Variants in ALDH6A1 observed in about 807,000 individuals in gnomAD.
The protein encoded by ALDH6A1 is aldehyde dehydrogenase 6 family member A1.
In ALDH6A1, 43 loss-of-function variants were observed where a neutral mutation model predicts 62.6. The observed-to-expected ratio is 0.69, with a 90% CI of 0.54 to 0.89. ALDH6A1 has a LOEUF of 0.89. ALDH6A1 is among the 40% of genes least tolerant of loss of function. The probability of loss-of-function intolerance (pLI) is 0.00; values close to 1 mark genes in which losing one functional copy is unlikely to be tolerated. For synonymous variants in ALDH6A1, 194 were observed against 234.2 expected (o/e 0.83, Z 1.57); for missense variants, 551 against 661.3 (o/e 0.83, Z 1.83).
Position 74,060,611 on chromosome 14 carries a change from A to C in ALDH6A1, c.*31T>G. 1.4e-6 allele frequency: 2 copies of C among 1,435,030 alleles called. No homozygotes were observed. Among genetic ancestry groups the C allele is most frequent in the South Asian group, 2.3e-5 (2 of 87,596 alleles). The allele number at this position is 1,435,030 out of a possible 1,614,324, so 88.9% of individuals were successfully genotyped here. ...GGTCAAAAATAAAGGGAGATTACTC[A>C]GGATGGAGTCAGTCTTAAACAAACT... On this transcript the variant is annotated 3_prime_UTR_variant, in exon 12 of 12. Transcript: ENST00000553458.
At position 74,060,597 on chromosome 14, in the gene ALDH6A1, AAGGG is replaced by A; in HGVS notation, c.*41_*44del. The stretch of plus-strand genomic sequence containing the variant: ...TGACAAATGAAGCTGGTCAAAAATA[AAGGG>A]AGATTACTCAGGATGGAGTCAGTCT... On this transcript the variant is annotated 3_prime_UTR_variant, in exon 12 of 12. Coordinates refer to ENST00000553458, the MANE Select transcript of ALDH6A1 (RefSeq NM_005589.4). 1 of 1,335,516 alleles carries A rather than the reference AAGGG, an allele frequency of 7.5e-7. No homozygotes were observed. The highest frequency in any genetic ancestry group is 1.2e-5 in the South Asian group (1 of 85,592). The allele number at this position is 1,335,516 out of a possible 1,614,324, so 82.7% of individuals were successfully genotyped here.
chr14:74,080,974 C>T (rs2060663027), intron 1 of ALDH6A1: 1 of 152,280 alleles, frequency 6.6e-6, no homozygotes, highest in Non-Finnish European at 1.5e-5. Context: ...TGCAATTTAA[C>T]GTGTGTCTTG....
intron 6 of ALDH6A1, 22 bp from the exon 7 acceptor site, chr14:74,069,003 T>A: frequency 1.2e-6 from 2 of 1,608,388 alleles, no homozygotes; most frequent in Non-Finnish European, 1.7e-6. Flanking sequence ...AAATAAATGA[T>A]CACTCACAAA....
Position 74,071,967 on chromosome 14 carries a change from A to G in ALDH6A1, c.356T>C (p.Ile119Thr). 1 of 1,613,926 alleles carries G rather than the reference A, an allele frequency of 6.2e-7. No homozygotes were observed. The highest frequency in any genetic ancestry group is 8.5e-7 in the Non-Finnish European group (1 of 1,179,802). ...QQLIKENLKE[I>T]AKLITLEQGK... is the part of the protein sequence containing the mutation. ...TTGTTCCAATGTGATTAACTTGGCAATTTCTTTCTAGAGAGAAGACACACA... is the reference window on the plus strand; with the variant it reads ...TTGTTCCAATGTGATTAACTTGGCAGTTTCTTTCTAGAGAGAAGACACACA... The change falls in exon 5 of 12, where the codon ATT (isoleucine) becomes ACT (threonine). Residue 119 changes from isoleucine to threonine, a missense_variant. Ile to Thr is a moderately conservative substitution (Grantham distance 89). Transcript: ENST00000553458.
Sources: allele counts gnomAD v4.1 joint callset, GRCh38; gene constraint gnomAD v4.1.1; transcripts MANE v1.5; gene names NCBI Gene and HGNC (gene_info 2026-07-23, HGNC 2026-07-21).